RFC3: variants seen among roughly 807,000 people sequenced by gnomAD.
RFC3 encodes A1 38 kDa subunit.
RFC3 carries 41 observed loss-of-function variants against 45.1 expected under a neutral mutation model. The ratio of observed to expected loss-of-function variants is 0.91; its 90% CI spans 0.71 to 1.18. The LOEUF (loss-of-function observed/expected upper bound fraction) is 1.18. RFC3 is among the 50% of genes most tolerant of loss of function. The pLI is 0.00. For synonymous variants in RFC3, 149 were observed against 144.0 expected, an observed-to-expected ratio of 1.03 and a Z score of -0.25; for missense variants, 423 against 428.1, an observed-to-expected ratio of 0.99 and a Z score of 0.10.
At chr13:33,918,101 A>G (rs1305717412) in intron 8 of RFC3, among the ~76,000 whole-genome samples, 1 of 152,184 alleles carries the variant, frequency 6.6e-6, no homozygotes, top group Non-Finnish European at 1.5e-5. Context: ...GCCCAAGGTC[A>G]TTGAGCAGGA....
At chr13:33,913,973 G>A (rs749833491) in intron 8 of RFC3, among the ~76,000 whole-genome samples, 4 of 151,216 alleles carry the variant, frequency 2.6e-5, no homozygotes, top group African/African-American at 4.9e-5. Context: ...AGTGCATCCC[G>A]TTGCTAAGTG....
At chr13:33,881,575 C>T (rs2082484345) in intron 8 of RFC3, among the ~76,000 whole-genome samples, 2 of 151,946 alleles carry the variant, frequency 1.3e-5, no homozygotes, top group East Asian at 3.9e-4. Flanking sequence ...CCTTTACTTT[C>T]AGTAGGATCC....
intron 8 of RFC3, among the ~76,000 whole-genome samples, chr13:33,886,347 C>T (rs572116422): frequency 2.6e-5 from 4 of 151,980 alleles, no homozygotes; most frequent in Non-Finnish European, 5.9e-5. Context: ...GAGACTGAGA[C>T]CATCCAGGCT....
At position 33,835,425 on chromosome 13, in the gene RFC3, A is replaced by G. The variant is rs760841146; in HGVS notation, c.879+208A>G. The G allele has an allele frequency of 3.8e-5, 27 of 717,002 alleles. No individual in the cohort carries two copies. In the African/African-American group the frequency reaches 3.8e-4, roughly 10 times the overall value. The allele number at this position is 717,002 out of a possible 1,614,324, so 44.4% of individuals were successfully genotyped here. A position where few individuals can be genotyped will look rare whatever the true frequency, so the allele number is the denominator to read the frequency against. ...GAGGGCCTGCCTAAAGTGAAGTTAT[A>G]TTCTAGTGGTGTGAAAAGGAGAACA... On this transcript the variant is annotated intron_variant, in intron 8 of 8. Transcript: ENST00000380071.
At chr13:33,912,667 A>G (rs1418904384) in intron 8 of RFC3, among the ~76,000 whole-genome samples, 1 of 152,048 alleles carries the variant, frequency 6.6e-6, no homozygotes, top group African/African-American at 2.4e-5. Flanking sequence ...GGCCATGTGA[A>G]CCTGAGAAAG....
chr13:33,824,720 G>A (rs1411390437), intron 3 of RFC3, among the ~76,000 whole-genome samples: 2 of 152,140 alleles, frequency 1.3e-5, no homozygotes, highest in Non-Finnish European at 2.9e-5. Flanking sequence ...ACAAGCTAAT[G>A]TGTATCTTGT....
Position 33,874,790 on chromosome 13 carries a change from G to A in RFC3, c.879+39573G>A, listed in dbSNP as rs1593657157. On this transcript the variant is annotated intron_variant, in intron 8 of 8. Coordinates refer to the RFC3 transcript ENST00000434425. Reference sequence around the variant, plus strand: ...AAATAAAATCCTTTGCTCCATAATGGAAGTAGACAAGGCAACTGGCTTGTC... The same window carrying A: ...AAATAAAATCCTTTGCTCCATAATGAAAGTAGACAAGGCAACTGGCTTGTC... Among the ~76,000 whole-genome samples, 6 of 152,326 alleles carry A rather than the reference G, an allele frequency of 3.9e-5. 1 individual carries two copies. The highest frequency in any genetic ancestry group is 3.9e-4 in the Admixed American group (6 of 15,304).
rs1409606680 is a variant in RFC3, at chr13:33,837,055, A to G, written c.*760A>G. Reference sequence around the variant, plus strand: ...ATGGACCAAAGGGTTTACTTGACAAATTTGTGTGACAGACTCCGAACAATT... The same window carrying G: ...ATGGACCAAAGGGTTTACTTGACAAGTTTGTGTGACAGACTCCGAACAATT... On this transcript the variant is annotated 3_prime_UTR_variant, in exon 9 of 9. Coordinates refer to ENST00000380071, the MANE Select transcript of RFC3 (RefSeq NM_002915.4). 1.6e-5 allele frequency: 16 copies of G among 984,104 alleles called. No homozygotes were observed. Among genetic ancestry groups the G allele is most frequent in the Non-Finnish European group, 1.9e-5 (16 of 828,864 alleles). The allele number at this position is 984,104 out of a possible 1,614,324, so 61.0% of individuals were successfully genotyped here.
At chr13:33,873,746 A>G (rs1232234201) in intron 8 of RFC3, among the ~76,000 whole-genome samples, 1 of 152,136 alleles carries the variant, frequency 6.6e-6, no homozygotes, top group East Asian at 1.9e-4. Flanking sequence ...GTTGATGATG[A>G]GGGTAAATAG....
chr13:33,958,231 C>T (rs1038853720), intron 8 of RFC3, among the ~76,000 whole-genome samples: 12 of 152,106 alleles, frequency 7.9e-5, no homozygotes, highest in Admixed American at 3.3e-4. Context: ...GATTGAACAT[C>T]GCAAGTAAAA....
chr13:33,925,333 G>C (rs1195382014), intron 8 of RFC3, among the ~76,000 whole-genome samples: 1 of 49,504 alleles, frequency 2.0e-5, no homozygotes, highest in Non-Finnish European at 6.6e-5. Flanking sequence ...TACACATATA[G>C]TGTACTATAT....
chr13:33,932,394 T>G (rs1297830402), intron 8 of RFC3, among the ~76,000 whole-genome samples: 2 of 152,164 alleles, frequency 1.3e-5, no homozygotes, highest in Admixed American at 6.6e-5. Flanking sequence ...CAGTATATTT[T>G]GGGAAGAATT....
At chr13:33,947,375 C>T (rs556354495) in intron 8 of RFC3, among the ~76,000 whole-genome samples, 2 of 152,292 alleles carry the variant, frequency 1.3e-5, no homozygotes, top group African/African-American at 4.8e-5. Context: ...GAGGCCTCCT[C>T]AGCCATGCGA....
intron 8 of RFC3, among the ~76,000 whole-genome samples, chr13:33,963,680 T>G (rs1400197870): frequency 1.3e-5 from 2 of 152,238 alleles, no homozygotes; most frequent in African/African-American, 4.8e-5. Context: ...GTTTCTATAA[T>G]GGACTTCTGG....
intron 8 of RFC3, among the ~76,000 whole-genome samples, chr13:33,944,935 A>C (rs184750233): frequency 6.6e-6 from 1 of 152,286 alleles, no homozygotes; most frequent in East Asian, 1.9e-4. Context: ...TCTCAGAAAG[A>C]TCAAAATCAT....
chr13:33,901,271 C>A (rs1256234859), intron 8 of RFC3, among the ~76,000 whole-genome samples: 2 of 151,758 alleles, frequency 1.3e-5, no homozygotes, highest in African/African-American at 4.8e-5. Context: ...TTTACAATAA[C>A]CAAAAATGGA....
chr13:33,875,828 C>T (rs1324030193), intron 8 of RFC3, among the ~76,000 whole-genome samples: 1 of 152,068 alleles, frequency 6.6e-6, no homozygotes, highest in East Asian at 1.9e-4. Flanking sequence ...GACGTGGGCT[C>T]AGCTGACAGG....
chr13:33,818,185 C>G lies in RFC3; in HGVS notation c.7C>G (p.Leu3Val). The G allele has an allele frequency of 6.2e-7, 1 of 1,613,322 alleles. No individual in the cohort carries two copies. The highest frequency in any genetic ancestry group is 8.5e-7 in the Non-Finnish European group (1 of 1,179,806). Residue 3 changes from leucine (L) to valine (V), a missense_variant, in exon 1 of 9, where the codon CTC (leucine) becomes GTC (valine). By Grantham distance (32) the Leu-to-Val change is conservative (BLOSUM62 1). Transcript: ENST00000380071. ...CCCGGGAACTCGAGCTGCCATGAGC[C>G]TCTGGGTGGACAAGTATCGGCCCTG... MS[L>V]WVDKYRPCSL...
In RFC3 at chr13:33,843,288, C is replaced by T. The variant is rs987770634; in HGVS notation, c.879+8071C>T. Among the ~76,000 whole-genome samples, 6 of 151,620 alleles carry T rather than the reference C, an allele frequency of 4.0e-5. No homozygotes were observed. In the East Asian group the frequency reaches 1.2e-3, roughly 29 times the overall value. On this transcript the variant is annotated intron_variant, in intron 8 of 8. Coordinates refer to the RFC3 transcript ENST00000434425. ...TCTCTATCAGTTTGATTATAGTGTA[C>T]AAGATTTACAATAAATTACTTTCCT...
Sources: allele counts gnomAD v4.1 joint callset (sites outside exome capture counted in the v4.1 genomes callset), GRCh38; gene constraint gnomAD v4.1.1; transcripts MANE v1.5; gene names NCBI Gene and HGNC (gene_info 2026-07-23, HGNC 2026-07-21).